The following RGS6 variants were observed in gnomAD, a reference collection of about 807,000 sequenced individuals.
RGS6 encodes the protein regulator of G-protein signaling 6.
In RGS6, 30 loss-of-function variants were observed where a neutral mutation model predicts 78.5. The ratio of observed to expected loss-of-function variants is 0.38; its 90% CI spans 0.29 to 0.52. The LOEUF is 0.52. Ranked by LOEUF, RGS6 falls within the 20% of genes least tolerant of loss-of-function variation. The pLI is 0.85. For missense variants in RGS6, 495 were observed against 609.7 expected (o/e 0.81, Z 1.98); for synonymous variants, 206 against 206.0 (o/e 1.00, Z 0.00).
At chr14:71,920,588 G>A in the RGS6 span, among the ~76,000 whole-genome samples, 1 of 152,152 alleles carries the variant, frequency 6.6e-6, no homozygotes, top group Non-Finnish European at 1.5e-5. Flanking sequence ...ATTGAAAAGA[G>A]CTTAAAACCT....
At chr14:72,276,653 G>T (rs573347953) in intron 2 of RGS6, among the ~76,000 whole-genome samples, 1 of 152,276 alleles carries the variant, frequency 6.6e-6, no homozygotes, top group African/African-American at 2.4e-5. Context: ...TAAGTCTCAT[G>T]AGATCTGATG....
chr14:72,480,372 T>G (rs1017304036), intron 12 of RGS6, among the ~76,000 whole-genome samples: 20 of 152,154 alleles, frequency 1.3e-4, no homozygotes, highest in African/African-American at 4.6e-4. Flanking sequence ...TCCTATTGTT[T>G]GTTTGTTTCC....
intron 1 of RGS6, among the ~76,000 whole-genome samples, chr14:71,940,207 T>C (rs1355620637): frequency 6.6e-6 from 1 of 152,242 alleles, no homozygotes; most frequent in Non-Finnish European, 1.5e-5. Flanking sequence ...CCGAAATGTC[T>C]GATCATTTTC....
chr14:72,476,405 A>AG (rs1200239313), intron 10 of RGS6, among the ~76,000 whole-genome samples: 25 of 152,342 alleles, frequency 1.6e-4, no homozygotes, highest in Admixed American at 1.6e-3. Context: ...CAGTAAGTCC[A>AG]GGGGGCGAGG....
intron 2 of RGS6, among the ~76,000 whole-genome samples, chr14:72,013,039 C>T (rs187015091): frequency 7.2e-5 from 11 of 151,950 alleles, no homozygotes; most frequent in East Asian, 1.9e-4. Context: ...GGGAGGCTGA[C>T]GTGGGCGGAT....
intron 2 of RGS6, among the ~76,000 whole-genome samples, chr14:72,221,716 C>T (rs1489191791): frequency 6.6e-6 from 1 of 152,172 alleles, no homozygotes; most frequent in Non-Finnish European, 1.5e-5. Context: ...TAGAAAGCAC[C>T]TATTTTCCCC....
At chr14:72,309,759 A>C (rs1262159129) in intron 2 of RGS6, among the ~76,000 whole-genome samples, 2 of 152,272 alleles carry the variant, frequency 1.3e-5, no homozygotes, top group Non-Finnish European at 2.9e-5. Flanking sequence ...GATGATGGCA[A>C]CAGACTGGTC....
At chr14:72,463,093 C>T (rs1223107760) in intron 6 of RGS6, among the ~76,000 whole-genome samples, 2 of 152,102 alleles carry the variant, frequency 1.3e-5, no homozygotes, top group Admixed American at 6.5e-5. Flanking sequence ...TTAAATATGT[C>T]CCAGTTTTGT....
chr14:72,481,379 C>T (rs1181404861), intron 12 of RGS6, among the ~76,000 whole-genome samples: 1 of 152,152 alleles, frequency 6.6e-6, no homozygotes, highest in Non-Finnish European at 1.5e-5. Context: ...AAGGGCAGGC[C>T]AAGGAGGGAG....
the RGS6 span, among the ~76,000 whole-genome samples, chr14:72,624,492 C>T: frequency 5.3e-5 from 8 of 152,072 alleles, no homozygotes; most frequent in Admixed American, 5.2e-4. Context: ...GCATGTGCCA[C>T]CATGCCTGGC....
chr14:72,590,311 T>A, the RGS6 span, among the ~76,000 whole-genome samples: 1 of 152,342 alleles, frequency 6.6e-6, no homozygotes, highest in Non-Finnish European at 1.5e-5. Context: ...TAAAAATATA[T>A]GTTCACAAAA....
chr14:72,442,112 C>T (rs954306802), intron 3 of RGS6, among the ~76,000 whole-genome samples: 1 of 152,118 alleles, frequency 6.6e-6, no homozygotes, highest in Admixed American at 6.5e-5. Context: ...GCTCGGTTCT[C>T]TTTCTGCTTG....
At chr14:72,237,599 C>G (rs981129087) in intron 2 of RGS6, among the ~76,000 whole-genome samples, 2 of 152,190 alleles carry the variant, frequency 1.3e-5, no homozygotes, top group African/African-American at 4.8e-5. Context: ...AACTAGAACC[C>G]TGGTTTCCTA....
chr14:72,077,940 T>C lies in RGS6; in HGVS notation c.84+113065T>C, dbSNP rs187180343. On this transcript the variant is annotated intron_variant, in intron 2 of 17. Coordinates refer to ENST00000553525, the MANE Select transcript of RGS6 (RefSeq NM_001204424.2). Reference sequence around the variant, plus strand: ...CTAAGTACATTCAGATTCTCAAGAATAGTACCAAAATTCTCAGATCCCCCT... The same window carrying C: ...CTAAGTACATTCAGATTCTCAAGAACAGTACCAAAATTCTCAGATCCCCCT... Among the ~76,000 whole-genome samples the C allele has an allele frequency of 2.0e-5, 3 of 152,300 alleles. No individual in the cohort carries two copies. In the East Asian group the frequency reaches 5.8e-4, roughly 29 times the overall value.
At chr14:72,315,976 G>T (rs112219200) in intron 2 of RGS6, among the ~76,000 whole-genome samples, 2 of 152,192 alleles carry the variant, frequency 1.3e-5, no homozygotes, top group Admixed American at 1.3e-4. Flanking sequence ...TTGGCTTGGG[G>T]TAGCCCAAAT....
intron 2 of RGS6, among the ~76,000 whole-genome samples, chr14:72,009,051 G>A (rs1362168161): frequency 6.6e-6 from 1 of 152,194 alleles, no homozygotes; most frequent in African/African-American, 2.4e-5. Flanking sequence ...TGTGTAATGA[G>A]CAACCCTCAG....
intron 1 of RGS6, among the ~76,000 whole-genome samples, chr14:71,949,341 A>G (rs1214963232): frequency 6.6e-6 from 1 of 152,080 alleles, no homozygotes; most frequent in African/African-American, 2.4e-5. Flanking sequence ...AGATTGTTAA[A>G]TGTTTGAATT....
chr14:72,267,730 C>T (rs2059296835), intron 2 of RGS6, among the ~76,000 whole-genome samples: 1 of 152,178 alleles, frequency 6.6e-6, no homozygotes, highest in Non-Finnish European at 1.5e-5. Context: ...AACTAATTAC[C>T]TGAACTGGGA....
chr14:71,973,204 T>G (rs1171006630), intron 2 of RGS6, among the ~76,000 whole-genome samples: 1 of 152,222 alleles, frequency 6.6e-6, no homozygotes, highest in African/African-American at 2.4e-5. Flanking sequence ...TAATCTAAAA[T>G]AGAGAAACCC....
Sources: allele counts gnomAD v4.1 joint callset (sites outside exome capture counted in the v4.1 genomes callset), GRCh38; gene constraint gnomAD v4.1.1; transcripts MANE v1.5; gene names NCBI Gene and HGNC (gene_info 2026-07-23, HGNC 2026-07-21).